The following BMP5 variants were observed in gnomAD, a reference collection of about 807,000 sequenced individuals.
BMP5 encodes the protein bone morphogenetic protein 5.
Under a neutral mutation model 46.6 loss-of-function variants are expected in BMP5, and 23 were observed. The ratio of observed to expected loss-of-function variants is 0.49; its 90% CI spans 0.35 to 0.70. The LOEUF (loss-of-function observed/expected upper bound fraction) is 0.70. Among genes scored for constraint, BMP5 ranks in the 30% least tolerant of loss-of-function variants. The pLI, the probability that BMP5 is intolerant of heterozygous loss-of-function variation, is 0.00. For missense variants in BMP5, 545 were observed against 565.6 expected (o/e 0.96, Z 0.37); for synonymous variants, 204 against 191.9 (o/e 1.06, Z -0.52).
chr6:55,850,054 AG>A (rs1777190294), intron 1 of BMP5, among the ~76,000 whole-genome samples: 1 of 152,090 alleles, frequency 6.6e-6, no homozygotes, highest in Admixed American at 6.6e-5. Context: ...TTTTTGACCA[AG>A]AACAGCACTT....
chr6:55,805,416 T>A (rs969317825), intron 2 of BMP5, among the ~76,000 whole-genome samples: 1 of 152,178 alleles, frequency 6.6e-6, no homozygotes, highest in African/African-American at 2.4e-5. Context: ...GATTCATCCA[T>A]GTCCCTGCAA....
At chr6:55,764,583 A>G (rs228142) in intron 4 of BMP5, among the ~76,000 whole-genome samples, 63,204 of 147,404 alleles carry the variant, frequency 0.43, 14,012 homozygotes, top group East Asian at 0.6. Flanking sequence ...AAAAAAAAAA[A>G]AAAAGAAAAA....
Position 55,875,573 on chromosome 6 carries a change from AAG to A in BMP5, c.-710_-709del, listed in dbSNP as rs1345223237. The A allele has an allele frequency of 6.6e-6, 1 of 152,356 alleles. No individual in the cohort carries two copies. Among genetic ancestry groups the A allele is most frequent in the Non-Finnish European group, 1.5e-5 (1 of 68,200 alleles). 9.4% of individuals were successfully genotyped at this position (152,356 alleles called of 1,614,324 possible). On this transcript the variant is annotated 5_prime_UTR_variant, in exon 1 of 7. Coordinates refer to ENST00000370830, the MANE Select transcript of BMP5 (RefSeq NM_021073.4). ...AGGCACAAATATACCAGCCCTCTTC[AAG>A]AGAGATCTAAAGAGTAGTGTAAGCA...
At chr6:55,842,867 A>G (rs545160309) in intron 1 of BMP5, among the ~76,000 whole-genome samples, 5 of 152,238 alleles carry the variant, frequency 3.3e-5, no homozygotes, top group African/African-American at 1.2e-4. Flanking sequence ...AAAAGAGCAA[A>G]TCACATTTAT....
chr6:55,755,492 C>G lies in BMP5; in HGVS notation c.*41G>C, dbSNP rs775825871. On this transcript the variant is annotated 3_prime_UTR_variant, in exon 7 of 7. Transcript: ENST00000370830. ...TATGCTTTTTATTGCAGCCATAAAC[C>G]TTAATACAGATCTTTTTGTTATTAT... 1.1e-5 allele frequency: 17 copies of G among 1,573,810 alleles called. No homozygotes were observed. Among genetic ancestry groups the G allele is most frequent in the Middle Eastern group, 1.8e-4 (1 of 5,476 alleles).
chr6:55,842,762 AT>A (rs985886556), intron 1 of BMP5, among the ~76,000 whole-genome samples: 156 of 144,126 alleles, frequency 1.1e-3, no homozygotes, highest in Middle Eastern at 7.2e-3. Flanking sequence ...AAGTTGCCTT[AT>A]TTTTTTTTTT....
chr6:55,805,303 A>T (rs1303567719), intron 2 of BMP5, among the ~76,000 whole-genome samples: 1 of 152,174 alleles, frequency 6.6e-6, no homozygotes, highest in Non-Finnish European at 1.5e-5. Flanking sequence ...TTACATAGGT[A>T]TATATGTGCC....
intron 3 of BMP5, among the ~76,000 whole-genome samples, chr6:55,784,029 G>A (rs1775388216): frequency 6.6e-6 from 1 of 151,826 alleles, no homozygotes; most frequent in South Asian, 2.1e-4. Context: ...TTGCGATGCT[G>A]AACTTTGGAT....
chr6:55,764,595 AG>A (rs1774876612), intron 4 of BMP5, among the ~76,000 whole-genome samples: 1 of 151,562 alleles, frequency 6.6e-6, no homozygotes, highest in African/African-American at 2.4e-5. Context: ...AAAGAAAAAA[AG>A]AAAGAAAGAA....
chr6:55,845,650 G>A (rs541507282), intron 1 of BMP5, among the ~76,000 whole-genome samples: 1 of 152,030 alleles, frequency 6.6e-6, no homozygotes, highest in Admixed American at 6.6e-5. Flanking sequence ...CATAAAAGAA[G>A]CCTTTGAAGG....
At chr6:55,776,450 A>G (rs1775173807) in intron 3 of BMP5, among the ~76,000 whole-genome samples, 1 of 138,942 alleles carries the variant, frequency 7.2e-6, no homozygotes, top group Non-Finnish European at 1.6e-5. Context: ...GCTTAGCAAA[A>G]GAAAAAAAAA....
intron 1 of BMP5, among the ~76,000 whole-genome samples, chr6:55,844,945 A>G (rs947902325): frequency 6.6e-6 from 1 of 152,056 alleles, no homozygotes; most frequent in African/African-American, 2.4e-5. Context: ...GTTCATTTCA[A>G]AAACAAAAAG....
intron 4 of BMP5, among the ~76,000 whole-genome samples, chr6:55,770,546 TATC>T (rs1374739697): frequency 6.6e-6 from 1 of 151,922 alleles, no homozygotes; most frequent in Non-Finnish European, 1.5e-5. Context: ...TTCGCTTTCT[TATC>T]ATTATTGTGT....
In BMP5 at chr6:55,853,587, T is replaced by G. The variant is rs144298107; in HGVS notation, c.490+20789A>C. On this transcript the variant is annotated intron_variant, in intron 1 of 6. Coordinates refer to ENST00000370830, the MANE Select transcript of BMP5 (RefSeq NM_021073.4). ...ATGCCTCCAGCAATTCTAAACAGTG[T>G]CAATGACAAAATATTCCTCCCAGAA... Among the ~76,000 whole-genome samples, 793 of 152,336 alleles carry G rather than the reference T, an allele frequency of 5.2e-3. 7 individuals carry two copies. The highest frequency in any genetic ancestry group is 0.018 in the African/African-American group (757 of 41,580).
At chr6:55,827,791 G>T (rs1377794078) in intron 1 of BMP5, among the ~76,000 whole-genome samples, 1 of 151,746 alleles carries the variant, frequency 6.6e-6, no homozygotes, top group Non-Finnish European at 1.5e-5. Context: ...TCTGTATAAT[G>T]AAAAATGGTT....
At chr6:55,786,801 T>A (rs891445558) in intron 3 of BMP5, among the ~76,000 whole-genome samples, 3 of 151,682 alleles carry the variant, frequency 2.0e-5, no homozygotes, top group Non-Finnish European at 4.4e-5. Context: ...TGGATATAGA[T>A]ACTCTCTCAT....
intron 1 of BMP5, among the ~76,000 whole-genome samples, chr6:55,828,654 T>A (rs550904747): frequency 4.0e-5 from 6 of 151,730 alleles, no homozygotes; most frequent in Non-Finnish European, 1.5e-5. Context: ...TTAGGAACAT[T>A]TTATTTAGAA....
At chr6:55,848,144 ATATTTC>A (rs1274755050) in intron 1 of BMP5, among the ~76,000 whole-genome samples, 1 of 151,982 alleles carries the variant, frequency 6.6e-6, no homozygotes, top group Non-Finnish European at 1.5e-5. Flanking sequence ...TTCTTTGTGT[ATATTTC>A]TATAACACTG....
intron 3 of BMP5, among the ~76,000 whole-genome samples, chr6:55,792,494 A>G (rs1442397574): frequency 6.7e-6 from 1 of 148,604 alleles, no homozygotes; most frequent in Non-Finnish European, 1.5e-5. Flanking sequence ...AGATTGCGCC[A>G]CTGCACTCCA....
Sources: gnomAD v4.1 joint callset for allele counts (sites outside exome capture counted in the v4.1 genomes callset) on GRCh38, gnomAD v4.1.1 for gene constraint, MANE v1.5 for transcripts, NCBI Gene and HGNC (gene_info 2026-07-23, HGNC 2026-07-21) for gene names.